Variants in TXLNB observed in about 807,000 individuals in gnomAD.
TXLNB encodes taxilin beta, also known as beta-taxilin.
Under a neutral mutation model 57.4 loss-of-function variants are expected in TXLNB, and 37 were observed. The observed-to-expected ratio is 0.64, with a 90% CI of 0.50 to 0.85. The LOEUF is 0.85. Among genes scored for constraint, TXLNB ranks in the 40% least tolerant of loss-of-function variants. TXLNB has a pLI of 0.00. For synonymous variants in TXLNB, 302 were observed against 309.6 expected (o/e 0.98, Z 0.26); for missense variants, 848 against 825.6 (o/e 1.03, Z -0.33).
the TXLNB span, chr6:139,203,577 C>G: frequency 1.3e-5 from 2 of 152,226 alleles, no homozygotes; most frequent in African/African-American, 4.8e-5. Context: ...TCCCCTACCT[C>G]TCTGGATGCT....
At chr6:139,205,450 A>T in the TXLNB span, among the ~76,000 whole-genome samples, 1 of 152,162 alleles carries the variant, frequency 6.6e-6, no homozygotes, top group Non-Finnish European at 1.5e-5. Context: ...TGGATGAAAA[A>T]TTTTCCAGAG....
chr6:139,209,064 C>A, the TXLNB span, among the ~76,000 whole-genome samples: 15 of 152,076 alleles, frequency 9.9e-5, no homozygotes, highest in Non-Finnish European at 1.6e-4. Context: ...CAAAAAGCTC[C>A]TAGAACTGGT....
At chr6:139,286,799 A>G (rs1777187554) in intron 2 of TXLNB, 1 of 175,368 alleles carries the variant, frequency 5.7e-6, no homozygotes, top group Non-Finnish European at 1.1e-5. Context: ...GCTCCCTGTG[A>G]GAATCTAATG....
chr6:139,262,548 A>T (rs1395569975), intron 5 of TXLNB, 31 bp downstream of exon 5: 2 of 1,569,446 alleles, frequency 1.3e-6, no homozygotes, highest in Admixed American at 1.8e-5. Context: ...GGATCTATGT[A>T]CTGTTCTAAG....
chr6:139,322,317 A>G, the TXLNB span, among the ~76,000 whole-genome samples: 1 of 152,164 alleles, frequency 6.6e-6, no homozygotes, highest in Non-Finnish European at 1.5e-5. Context: ...GCATCCTCAC[A>G]TGGCAGAAGG....
intron 3 of TXLNB, among the ~76,000 whole-genome samples, chr6:139,272,472 T>C (rs903776229): frequency 6.6e-6 from 1 of 152,198 alleles, no homozygotes; most frequent in Non-Finnish European, 1.5e-5. Context: ...AGGATATGTA[T>C]ATATGATATT....
chr6:139,236,808 T>A (rs540597049), downstream of TXLNB, among the ~76,000 whole-genome samples: 1 of 152,328 alleles, frequency 6.6e-6, no homozygotes, highest in South Asian at 2.1e-4. Context: ...TTTGCCATGT[T>A]GCTCAGGCTG....
chr6:139,170,187 A>G, the TXLNB span: 5 of 152,198 alleles, frequency 3.3e-5, no homozygotes, highest in African/African-American at 1.2e-4. Flanking sequence ...GAAGATGAAT[A>G]TGGGTACAGC....
the TXLNB span, among the ~76,000 whole-genome samples, chr6:139,187,939 A>G: frequency 1.3e-5 from 2 of 152,324 alleles, no homozygotes; most frequent in South Asian, 4.2e-4. Context: ...GTAAGTGCCA[A>G]AGATGTTCCG....
At chr6:139,172,403 C>T in the TXLNB span, among the ~76,000 whole-genome samples, 1 of 152,210 alleles carries the variant, frequency 6.6e-6, no homozygotes, top group Non-Finnish European at 1.5e-5. Context: ...ACTACTCCCT[C>T]GCCCTGCCCT....
chr6:139,226,253 G>C, the TXLNB span, among the ~76,000 whole-genome samples: 1 of 121,540 alleles, frequency 8.2e-6, no homozygotes, highest in Admixed American at 1.1e-4. Flanking sequence ...AGCTGAGATT[G>C]CTCCACGCCA....
the TXLNB span, among the ~76,000 whole-genome samples, chr6:139,312,471 G>A: frequency 2.6e-5 from 4 of 152,314 alleles, no homozygotes; most frequent in South Asian, 8.3e-4. Flanking sequence ...TGTGAGGGTT[G>A]CCACCTCTCG....
upstream of TXLNB, among the ~76,000 whole-genome samples, chr6:139,294,337 T>C (rs1777353090): frequency 6.6e-6 from 1 of 152,178 alleles, no homozygotes; most frequent in African/African-American, 2.4e-5. Context: ...AATTATTACA[T>C]AGTTTTTATT....
the TXLNB span, among the ~76,000 whole-genome samples, chr6:139,189,915 T>A: frequency 6.6e-6 from 1 of 152,182 alleles, no homozygotes; most frequent in African/African-American, 2.4e-5. Context: ...GCAGGGACTG[T>A]CTTTGACAAC....
intron 2 of TXLNB, among the ~76,000 whole-genome samples, chr6:139,280,505 C>A (rs35686062): frequency 0.05 from 7,608 of 151,396 alleles, 206 homozygotes; most frequent in Non-Finnish European, 0.053. Context: ...ATTAGCTGGG[C>A]GTGGTGGCGC....
At chr6:139,288,961 A>C in intron 1 of TXLNB, 48 bp from the exon 2 acceptor site, 20 of 1,354,432 alleles carry the variant, frequency 1.5e-5, no homozygotes, top group Non-Finnish European at 2.1e-5. Context: ...TACTTGCTAC[A>C]TATCAATGCT....
the TXLNB span, among the ~76,000 whole-genome samples, chr6:139,317,679 C>T: frequency 1.3e-5 from 2 of 151,950 alleles, no homozygotes; most frequent in Non-Finnish European, 2.9e-5. Context: ...GCGTGAGCCA[C>T]CATGCCCGGC....
In TXLNB at chr6:139,240,822, C is replaced by T. The variant is rs1334352250; in HGVS notation, c.*1704G>A. ...TCTTGTAGCATATGGTTGCTGCCTACAAGCACTTTGTGTGCCTTGGCAAAC... is the reference window on the plus strand; with the variant it reads ...TCTTGTAGCATATGGTTGCTGCCTATAAGCACTTTGTGTGCCTTGGCAAAC... On this transcript the variant is annotated 3_prime_UTR_variant, in exon 10 of 10. Transcript: ENST00000358430. 6.6e-6 allele frequency: 1 copy of T among 152,256 alleles called. No homozygotes were observed. Among genetic ancestry groups the T allele is most frequent in the African/African-American group, 2.4e-5 (1 of 41,452 alleles). The allele number at this position is 152,256 out of a possible 1,614,324, so 9.4% of individuals were successfully genotyped here. A position where few individuals can be genotyped will look rare whatever the true frequency, so the allele number is the denominator to read the frequency against.
Position 139,284,251 on chromosome 6 carries a change from C to T in TXLNB, c.424+4225G>A, listed in dbSNP as rs1465346850. Among the ~76,000 whole-genome samples the T allele has an allele frequency of 2.1e-5, 3 of 145,194 alleles. 1 individual carries two copies. Among genetic ancestry groups the T allele is most frequent in the African/African-American group, 7.6e-5 (3 of 39,344 alleles). Reference sequence around the variant, plus strand: ...GCATTAATAAATACTCATTGTGGGCCGGGTGCGGTGGCTCACGGCTGTAAT... The same window carrying T: ...GCATTAATAAATACTCATTGTGGGCTGGGTGCGGTGGCTCACGGCTGTAAT... On this transcript the variant is annotated intron_variant, in intron 2 of 9. Coordinates refer to ENST00000358430, the MANE Select transcript of TXLNB (RefSeq NM_153235.4).
Sources: gnomAD v4.1 joint callset for allele counts (sites outside exome capture counted in the v4.1 genomes callset) on GRCh38, gnomAD v4.1.1 for gene constraint, MANE v1.5 for transcripts, NCBI Gene and HGNC (gene_info 2026-07-23, HGNC 2026-07-21) for gene names.